GLI3: variants seen among roughly 807,000 people sequenced by gnomAD.
The protein encoded by GLI3 is GLI family zinc finger 3, also known as transcription activator GLI3.
In GLI3, 20 loss-of-function variants were observed where a neutral mutation model predicts 100.8. The observed-to-expected ratio is 0.20, with a 90% CI of 0.14 to 0.29. The LOEUF (loss-of-function observed/expected upper bound fraction) is 0.29. GLI3 is among the 10% of genes least tolerant of loss of function. GLI3 has a pLI of 1.00. For missense variants in GLI3, 2,040 were observed against 2,128.5 expected, an observed-to-expected ratio of 0.96 and a Z score of 0.82; for synonymous variants, 938 against 860.5, an observed-to-expected ratio of 1.09 and a Z score of -1.58.
chr7:42,110,288 C>A (rs1583565401), intron 3 of GLI3, among the ~76,000 whole-genome samples: 2 of 152,282 alleles, frequency 1.3e-5, no homozygotes, highest in East Asian at 1.9e-4. Flanking sequence ...TTACAACCAA[C>A]TTTTCTAAAA....
At chr7:42,258,633 G>T (rs1322844190) in intron 1 of GLI3, among the ~76,000 whole-genome samples, 2 of 152,162 alleles carry the variant, frequency 1.3e-5, no homozygotes, top group Non-Finnish European at 2.9e-5. Flanking sequence ...TCCAGCTCTG[G>T]AGGCTGAGAA....
At chr7:41,998,453 T>C (rs1269203759) in intron 10 of GLI3, among the ~76,000 whole-genome samples, 4 of 152,244 alleles carry the variant, frequency 2.6e-5, no homozygotes, top group South Asian at 2.1e-4. Flanking sequence ...AACAAATTGC[T>C]AATTATGCAT....
intron 2 of GLI3, among the ~76,000 whole-genome samples, chr7:42,187,996 C>T (rs1463478412): frequency 3.8e-5 from 1 of 26,256 alleles, no homozygotes; most frequent in African/African-American, 3.2e-4. Flanking sequence ...GAGTGAGACT[C>T]CATCTCAAAA....
At position 41,961,586 on chromosome 7, in the gene GLI3, A is replaced by T. The variant is rs1050141162; in HGVS notation, c.*2744T>A. 1 of 152,388 alleles carries T rather than the reference A, an allele frequency of 6.6e-6. No individual in the cohort carries two copies. Among genetic ancestry groups the T allele is most frequent in the East Asian group, 1.9e-4 (1 of 5,190 alleles). 9.4% of individuals were successfully genotyped at this position (152,388 alleles called of 1,614,324 possible). ...TGGTTAGAAAACGTTTAACACAGAC[A>T]TTAAGCAGGAGTAGAATGTGTGAGC... On this transcript the variant is annotated 3_prime_UTR_variant, in exon 15 of 15. Transcript: ENST00000395925.
chr7:42,203,284 G>A (rs372977872), intron 2 of GLI3, among the ~76,000 whole-genome samples: 3 of 152,154 alleles, frequency 2.0e-5, no homozygotes, highest in East Asian at 3.9e-4. Context: ...AGAATACAAT[G>A]TAGGGTCATT....
At chr7:42,186,584 C>T (rs1332851328) in intron 2 of GLI3, among the ~76,000 whole-genome samples, 3 of 152,206 alleles carry the variant, frequency 2.0e-5, no homozygotes, top group African/African-American at 7.2e-5. Flanking sequence ...GGGGACAACA[C>T]CCCTGACCAT....
chr7:42,196,704 G>A (rs974167782), intron 2 of GLI3, among the ~76,000 whole-genome samples: 1 of 152,096 alleles, frequency 6.6e-6, no homozygotes, highest in Non-Finnish European at 1.5e-5. Context: ...ATCTCTGTTG[G>A]TACACTTGAC....
intron 10 of GLI3, among the ~76,000 whole-genome samples, chr7:41,986,960 G>A (rs1422733143): frequency 6.6e-6 from 1 of 151,308 alleles, no homozygotes; most frequent in Non-Finnish European, 1.5e-5. Context: ...GAACAGCCAG[G>A]TAGAATGGAA....
chr7:42,247,977 T>G (rs915437432), intron 1 of GLI3, among the ~76,000 whole-genome samples: 1 of 152,238 alleles, frequency 6.6e-6, no homozygotes, highest in Non-Finnish European at 1.5e-5. Flanking sequence ...CAAGGATCTC[T>G]GATAGAAATA....
At chr7:42,025,403 A>G (rs1403016394) in intron 8 of GLI3, 26 bp from the exon 9 acceptor site, 2 of 1,529,458 alleles carry the variant, frequency 1.3e-6, no homozygotes, top group South Asian at 1.1e-5. Context: ...GCAGAGCCAG[A>G]GACAAAAAGA....
Position 42,223,693 on chromosome 7 carries a change from T to A in GLI3, c.-42-398A>T, listed in dbSNP as rs1788533749. 2.6e-5 allele frequency among the ~76,000 whole-genome samples: 4 copies of A among 152,184 alleles called. No individual in the cohort carries two copies. The South Asian group carries it at 8.3e-4, about 31-fold the overall frequency. ...TACAGGAAGGGGCATTTGAACAAATTCCAAAGGGAGGGAAGGTTTTTAATT... is the reference window on the plus strand; with the variant it reads ...TACAGGAAGGGGCATTTGAACAAATACCAAAGGGAGGGAAGGTTTTTAATT... On this transcript the variant is annotated intron_variant, in intron 1 of 14. Coordinates refer to ENST00000395925, the MANE Select transcript of GLI3 (RefSeq NM_000168.6).
chr7:42,116,713 T>A (rs1282699772), intron 3 of GLI3, among the ~76,000 whole-genome samples: 1 of 152,192 alleles, frequency 6.6e-6, no homozygotes, highest in Non-Finnish European at 1.5e-5. Flanking sequence ...GAGGTCATCT[T>A]ACTGTATGTT....
chr7:42,056,422 T>C (rs555481893), intron 4 of GLI3, among the ~76,000 whole-genome samples: 5 of 152,242 alleles, frequency 3.3e-5, no homozygotes, highest in Non-Finnish European at 4.4e-5. Context: ...CCCAAAAGCA[T>C]GTGGGTCATG....
intron 4 of GLI3, among the ~76,000 whole-genome samples, chr7:42,057,995 C>A (rs2330283): frequency 0.49 from 74,239 of 151,902 alleles, 18,502 homozygotes; most frequent in South Asian, 0.54. Context: ...CCACTATACA[C>A]TTCATCCATG....
At chr7:42,086,994 A>G (rs960028990) in intron 3 of GLI3, among the ~76,000 whole-genome samples, 1 of 152,168 alleles carries the variant, frequency 6.6e-6, no homozygotes, top group African/African-American at 2.4e-5. Context: ...GCACACACCC[A>G]CAGGTCAGAA....
In GLI3 at chr7:41,965,773, T is replaced by C; in HGVS notation, c.3300A>G (p.Leu1100=). 6.2e-7 allele frequency: 1 copy of C among 1,613,260 alleles called. No individual in the cohort carries two copies. ...DFLPDDVVQY[L]NSQNQAGYEQ... Reference sequence around the variant, plus strand: ...CGTACCCTGCTTGGTTCTGGGAATTTAAATACTGCACCACGTCGTCCGGCA... The same window carrying C: ...CGTACCCTGCTTGGTTCTGGGAATTCAAATACTGCACCACGTCGTCCGGCA... Residue 1100 remains leucine, a synonymous_variant, in exon 15 of 15, where the codon TTA becomes TTG. Transcript: ENST00000395925.
intron 2 of GLI3, chr7:42,152,371 T>A: frequency 1.0e-6 from 1 of 984,592 alleles, no homozygotes; most frequent in Non-Finnish European, 1.2e-6. Context: ...CCCCAGGCTC[T>A]GGCTAGCTAC....
intron 1 of GLI3, among the ~76,000 whole-genome samples, chr7:42,228,565 A>G (rs1169846546): frequency 1.3e-5 from 2 of 152,196 alleles, no homozygotes; most frequent in African/African-American, 4.8e-5. Flanking sequence ...AACACTGGCA[A>G]GGGCCGGCCC....
intron 13 of GLI3, among the ~76,000 whole-genome samples, chr7:41,968,760 GAAGGAAAGAAA>G (rs1787287139): frequency 7.6e-5 from 6 of 78,896 alleles, no homozygotes; most frequent in East Asian, 2.8e-4. Context: ...AAGAAAGAAA[GAAGGAAAGAAA>G]GAAAGAAAGA....
Sources: gnomAD v4.1 joint callset for allele counts (sites outside exome capture counted in the v4.1 genomes callset) on GRCh38, gnomAD v4.1.1 for gene constraint, MANE v1.5 for transcripts, NCBI Gene and HGNC (gene_info 2026-07-23, HGNC 2026-07-21) for gene names.